Variants in MINDY4 observed in about 807,000 individuals in gnomAD.
The protein encoded by MINDY4 is probable ubiquitin carboxyl-terminal hydrolase MINDY-4.
In MINDY4, 68 loss-of-function variants were observed where a neutral mutation model predicts 87.0. The observed-to-expected ratio is 0.78, with a 90% CI of 0.64 to 0.96. MINDY4 has a LOEUF of 0.96. Among genes scored for constraint, MINDY4 ranks in the 40% least tolerant of loss-of-function variants. The pLI is 0.00. For synonymous variants in MINDY4, 379 were observed against 363.2 expected, an observed-to-expected ratio of 1.04 and a Z score of -0.50; for missense variants, 919 against 928.2, an observed-to-expected ratio of 0.99 and a Z score of 0.13.
chr7:30,877,053 A>T (rs1051724911), intron 15 of MINDY4, among the ~76,000 whole-genome samples: 1 of 152,158 alleles, frequency 6.6e-6, no homozygotes, highest in Non-Finnish European at 1.5e-5. Flanking sequence ...TGCCAAAAGC[A>T]GACTTCTGGG....
At chr7:30,859,377 A>T in intron 13 of MINDY4, 53 bp downstream of exon 13, 1 of 1,535,008 alleles carries the variant, frequency 6.5e-7, no homozygotes, top group African/African-American at 1.4e-5. Context: ...TGTCTTGTTC[A>T]CTGCTGCCTC....
At chr7:30,867,602 T>C (rs1222273093) in intron 13 of MINDY4, among the ~76,000 whole-genome samples, 2 of 152,220 alleles carry the variant, frequency 1.3e-5, no homozygotes, top group African/African-American at 4.8e-5. Flanking sequence ...CCAAGTTCTC[T>C]TGGTTGTACC....
chr7:30,805,116 G>A (rs1640381846), intron 5 of MINDY4, among the ~76,000 whole-genome samples: 1 of 152,216 alleles, frequency 6.6e-6, no homozygotes, highest in Non-Finnish European at 1.5e-5. Flanking sequence ...GTGAGTCTAG[G>A]GGTGCAGCAG....
chr7:30,829,457 C>T (rs1303988592), intron 6 of MINDY4, among the ~76,000 whole-genome samples: 1 of 152,180 alleles, frequency 6.6e-6, no homozygotes, highest in Non-Finnish European at 1.5e-5. Context: ...TTACCTGTTG[C>T]ACCATTTGGG....
Position 30,882,928 on chromosome 7 carries a change from C to G in MINDY4, c.2160C>G (p.Thr720=), listed in dbSNP as rs760147514. The change falls in exon 17 of 18, where the codon ACC becomes ACG. Residue 720 remains threonine (T), a synonymous_variant. Transcript: ENST00000265299. ...QEQIRLTIDT[T]QTISEDTDND... is the part of the protein sequence containing the mutation. Reference sequence around the variant, plus strand: ...CTCTCTCCTCCTTCCCAGACACCACCCAAACCATCTCTGAGGACACAGACA... The same window carrying G: ...CTCTCTCCTCCTTCCCAGACACCACGCAAACCATCTCTGAGGACACAGACA... 6.2e-7 allele frequency: 1 copy of G among 1,613,976 alleles called. No individual in the cohort carries two copies. The highest frequency in any genetic ancestry group is 1.7e-5 in the Admixed American group (1 of 59,980).
At chr7:30,793,364 T>C (rs567720931) in intron 5 of MINDY4, among the ~76,000 whole-genome samples, 1 of 151,616 alleles carries the variant, frequency 6.6e-6, no homozygotes, top group African/African-American at 2.4e-5. Context: ...TATTTTTTTT[T>C]AGCAGGTATG....
chr7:30,860,334 T>C (rs1215866483), intron 13 of MINDY4, among the ~76,000 whole-genome samples: 2 of 152,098 alleles, frequency 1.3e-5, no homozygotes, highest in Non-Finnish European at 2.9e-5. Context: ...CTCTGTGGCC[T>C]CGTGCGCCAG....
intron 6 of MINDY4, among the ~76,000 whole-genome samples, chr7:30,836,009 C>G (rs1197954677): frequency 6.6e-6 from 1 of 152,176 alleles, no homozygotes; most frequent in Admixed American, 6.5e-5. Flanking sequence ...CTAGGAGTCA[C>G]TCTCTCTGCC....
At chr7:30,883,617 C>A (rs927978269) in intron 17 of MINDY4, among the ~76,000 whole-genome samples, 2 of 152,178 alleles carry the variant, frequency 1.3e-5, no homozygotes, top group African/African-American at 4.8e-5. Flanking sequence ...TGGGGCTCAC[C>A]TCCTTGCTGT....
At chr7:30,834,198 G>A (rs758842057) in intron 6 of MINDY4, among the ~76,000 whole-genome samples, 7 of 152,310 alleles carry the variant, frequency 4.6e-5, no homozygotes, top group Admixed American at 1.3e-4. Context: ...TGAGGGCCCC[G>A]CCCCTGTAGC....
At chr7:30,835,546 T>A (rs1012708758) in intron 6 of MINDY4, among the ~76,000 whole-genome samples, 1 of 152,220 alleles carries the variant, frequency 6.6e-6, no homozygotes, top group Non-Finnish European at 1.5e-5. Flanking sequence ...AGTGGTAGAA[T>A]CTATGTGCTT....
At chr7:30,820,769 C>G (rs1003590150) in intron 5 of MINDY4, among the ~76,000 whole-genome samples, 2 of 152,046 alleles carry the variant, frequency 1.3e-5, no homozygotes, top group Non-Finnish European at 2.9e-5. Context: ...TTGTCTCCAC[C>G]TTTTGGTTAT....
At chr7:30,883,783 C>A (rs1790546651) in intron 17 of MINDY4, among the ~76,000 whole-genome samples, 1 of 152,102 alleles carries the variant, frequency 6.6e-6, no homozygotes, top group South Asian at 2.1e-4. Flanking sequence ...GATCCTGGTC[C>A]CTTCTGGGGG....
chr7:30,788,016 A>G (rs1385651387), intron 4 of MINDY4, among the ~76,000 whole-genome samples: 3 of 152,010 alleles, frequency 2.0e-5, no homozygotes, highest in Non-Finnish European at 4.4e-5. Flanking sequence ...AAAAATAACT[A>G]TATTTTTCAA....
At chr7:30,794,298 C>T (rs1052479480) in intron 5 of MINDY4, among the ~76,000 whole-genome samples, 2 of 152,102 alleles carry the variant, frequency 1.3e-5, no homozygotes, top group Non-Finnish European at 2.9e-5. Context: ...CCTGTGAGTT[C>T]TTCAAGGGGA....
rs539433623 is a variant in MINDY4 at position 30,838,691 on chromosome 7, G to A, written c.1240-509G>A. ...CACTAGAGCACTGGCTCTCAAACCC[G>A]GCACACTGTGGAATCACCTGGGGGA... On this transcript the variant is annotated intron_variant, in intron 7 of 17. Coordinates refer to ENST00000265299, the MANE Select transcript of MINDY4 (RefSeq NM_032222.3). Among the ~76,000 whole-genome samples, 7 of 152,246 alleles carry A rather than the reference G, an allele frequency of 4.6e-5. No individual in the cohort carries two copies. The South Asian group carries it at 1.0e-3, about 23-fold the overall frequency.
chr7:30,850,091 C>T (rs561596527), intron 9 of MINDY4, among the ~76,000 whole-genome samples: 7 of 152,322 alleles, frequency 4.6e-5, no homozygotes, highest in African/African-American at 1.2e-4. Flanking sequence ...CAGTCATTCC[C>T]GAGCACTGCT....
At chr7:30,869,599 G>T (rs1019949466) in intron 13 of MINDY4, among the ~76,000 whole-genome samples, 1 of 152,086 alleles carries the variant, frequency 6.6e-6, no homozygotes, top group African/African-American at 2.4e-5. Flanking sequence ...CCTTGTGAGT[G>T]TGCATCTTTG....
chr7:30,840,069 A>C (rs1366407705), intron 8 of MINDY4, among the ~76,000 whole-genome samples: 1 of 152,104 alleles, frequency 6.6e-6, no homozygotes, highest in Non-Finnish European at 1.5e-5. Flanking sequence ...GCTGGTCTTC[A>C]TGAGCACCCC....
Sources: gnomAD v4.1 joint callset for allele counts (sites outside exome capture counted in the v4.1 genomes callset) on GRCh38, gnomAD v4.1.1 for gene constraint, MANE v1.5 for transcripts, NCBI Gene and HGNC (gene_info 2026-07-23, HGNC 2026-07-21) for gene names.